ZNF280C: variants seen among roughly 807,000 people sequenced by gnomAD.
The protein encoded by ZNF280C is zinc finger protein 280C.
A neutral mutation model predicts 53.6 loss-of-function variants in ZNF280C; 14 were observed. The observed-to-expected ratio is 0.26, with a 90% CI of 0.17 to 0.41. The LOEUF (loss-of-function observed/expected upper bound fraction) is 0.41, where lower values mean the gene tolerates loss of function less well. ZNF280C is among the 10% of genes least tolerant of loss of function. The probability of loss-of-function intolerance (pLI) is 1.00; values close to 1 mark genes in which losing one functional copy is unlikely to be tolerated. For synonymous variants in ZNF280C, 203 were observed against 181.1 expected, an observed-to-expected ratio of 1.12 and a Z score of -0.97; for missense variants, 416 against 547.1, an observed-to-expected ratio of 0.76 and a Z score of 2.39.
In ZNF280C at chrX:130,243,630, G is replaced by A. The variant is rs780382501; in HGVS notation, c.314C>T (p.Ser105Leu). ...TTTAGATACAAGATGAAATCTAGGC[G>A]AGGCAGCCACTGGATTTGATGGTGG... Reference protein sequence around the residue: ...RDPPSNPVAASPRFHLVSKSS... With the variant: ...RDPPSNPVAALPRFHLVSKSS... Residue 105 changes from serine to leucine, a missense_variant, in exon 5 of 19, where the codon TCG becomes TTG. Physicochemically the swap from Ser to Leu is moderately radical, Grantham distance 145. Transcript: ENST00000370978. The A allele has an allele frequency of 1.5e-5, 18 of 1,209,017 alleles. No individual in the cohort carries two copies. Among genetic ancestry groups the A allele is most frequent in the Middle Eastern group, 2.3e-4 (1 of 4,372 alleles).
chrX:130,246,768 GAAC>G lies in ZNF280C; in HGVS notation c.178+88_178+90del, dbSNP rs1353929310. The G allele has an allele frequency of 1.3e-5, 14 of 1,048,708 alleles. No homozygotes were observed. In the African/African-American group the frequency reaches 2.4e-4, roughly 18 times the overall value. The allele number at this position is 1,048,708 out of a possible 1,213,427, so 86.4% of individuals were successfully genotyped here. ...CTCTTACCTCTAACTCCTTACAGAAGAACAACAGTATGAAGGACAGATATCTCA... is the reference window on the plus strand; with the variant it reads ...CTCTTACCTCTAACTCCTTACAGAAGAACAGTATGAAGGACAGATATCTCA... On this transcript the variant is annotated intron_variant, in intron 3 of 18. Coordinates refer to ENST00000370978, the MANE Select transcript of ZNF280C (RefSeq NM_017666.5).
intron 1 of ZNF280C, among the ~76,000 whole-genome samples, chrX:130,267,858 T>TA (rs1345923517): frequency 9.0e-6 from 1 of 111,429 alleles, no homozygotes; most frequent in Non-Finnish European, 1.9e-5. Context: ...AAAACAATAG[T>TA]AAAAAAAATT....
intron 15 of ZNF280C, among the ~76,000 whole-genome samples, chrX:130,212,556 C>T (rs1181233982): frequency 4.6e-5 from 4 of 86,684 alleles, no homozygotes; most frequent in African/African-American, 1.8e-4. Flanking sequence ...TGAGTACATC[C>T]AGTAGTTAGG....
chrX:130,210,122 T>C (rs1487716043), intron 15 of ZNF280C, among the ~76,000 whole-genome samples: 1 of 112,233 alleles, frequency 8.9e-6, no homozygotes, highest in Middle Eastern at 4.2e-3. Flanking sequence ...TCGTGGACTT[T>C]CCAGCCTCCA....
Position 130,229,000 on chromosome X carries a change from G to A in ZNF280C, c.1124C>T (p.Thr375Ile). 4.1e-6 allele frequency: 5 copies of A among 1,205,257 alleles called. No homozygotes were observed. Among genetic ancestry groups the A allele is most frequent in the Non-Finnish European group, 5.6e-6 (5 of 891,930 alleles). ...ACTAGAAAACTCATGGGGAGTGTGT[G>A]TACTCTCAATGTGGCACTGCAGTTG... ...PFQLQCHIESTHTPHEFSTIC... is the reference protein window; with the variant it reads ...PFQLQCHIESIHTPHEFSTIC... The change falls in exon 10 of 19, where the codon ACA becomes ATA. Residue 375 changes from threonine (T) to isoleucine (I), a missense_variant. Around this residue, in one of 3 missense-constraint regions of ZNF280C, gnomAD observed 72 missense variants for 168.8 expected, o/e 0.43. Coordinates refer to ENST00000370978, the MANE Select transcript of ZNF280C (RefSeq NM_017666.5).
rs191377694 is a variant in ZNF280C, at chrX:130,205,530, G to A, written c.2043-115C>T. On this transcript the variant is annotated intron_variant, in intron 16 of 18. Coordinates refer to ENST00000370978, the MANE Select transcript of ZNF280C (RefSeq NM_017666.5). ...GATTTGCATTTTAGTCTCCACAACC[G>A]TCATTTTCCAATTTTGTTATATAAA... 1.6e-3 allele frequency: 735 copies of A among 466,080 alleles called. 1 individual carries two copies. The highest frequency in any genetic ancestry group is 8.0e-3 in the Middle Eastern group (12 of 1,495). The allele number at this position is 466,080 out of a possible 1,213,427, so 38.4% of individuals were successfully genotyped here.
At chrX:130,219,357 C>T (rs2032136959) in intron 13 of ZNF280C, among the ~76,000 whole-genome samples, 1 of 109,271 alleles carries the variant, frequency 9.2e-6, no homozygotes, top group South Asian at 4.0e-4. Context: ...CATCATGCTG[C>T]ATGCTTGTAA....
At chrX:130,255,486 GAA>G (rs767206704) in intron 2 of ZNF280C, among the ~76,000 whole-genome samples, 4 of 70,104 alleles carry the variant, frequency 5.7e-5, no homozygotes, top group Admixed American at 3.2e-4. Flanking sequence ...AAAAGCTCCA[GAA>G]AAAAAAAAAA....
chrX:130,205,319 A>G lies in ZNF280C; in HGVS notation c.2139T>C (p.Thr713=). ...AKHLSQRKTH[T]CQVIIENVSK... ...TACCATTCTCTATTATAACTTGGCA[A>G]GTATGAGTTTTACGTTGACTTAAGT... Residue 713 remains threonine (T), a synonymous_variant, in exon 17 of 19, where the codon ACT becomes ACC. Coordinates refer to ENST00000370978, the MANE Select transcript of ZNF280C (RefSeq NM_017666.5). 8.3e-7 allele frequency: 1 copy of G among 1,202,830 alleles called. No individual in the cohort carries two copies.
rs1162911710 is a variant in ZNF280C, at chrX:130,230,705, G to C, written c.794C>G (p.Thr265Ser). The change falls in exon 9 of 19, where the codon ACT (threonine) becomes AGT (serine). Residue 265 changes from threonine (T) to serine (S), a missense_variant. Coordinates refer to ENST00000370978, the MANE Select transcript of ZNF280C (RefSeq NM_017666.5). ...HMKHCCPDMI[T>S]KFLGVIVKSE... is the part of the protein sequence containing the mutation. ...TTTAACAATTACTCCCAAAAATTTAGTTATCATGTCTGGACAACAATGCTG... is the reference window on the plus strand; with the variant it reads ...TTTAACAATTACTCCCAAAAATTTACTTATCATGTCTGGACAACAATGCTG... The C allele has an allele frequency of 4.2e-6, 5 of 1,201,648 alleles. No homozygotes were observed. Among genetic ancestry groups the C allele is most frequent in the Non-Finnish European group, 5.6e-6 (5 of 890,009 alleles).
chrX:130,205,227 A>C, intron 17 of ZNF280C, 70 bp downstream of exon 17: 4 of 1,100,281 alleles, frequency 3.6e-6, no homozygotes, highest in Non-Finnish European at 5.0e-6. Context: ...ACATGGGTCC[A>C]TATGGTGTCC....
Position 130,204,915 on chromosome X carries a change from T to C in ZNF280C, c.*62A>G. On this transcript the variant is annotated 3_prime_UTR_variant, in exon 19 of 19. Coordinates refer to ENST00000370978, the MANE Select transcript of ZNF280C (RefSeq NM_017666.5). ...TTGTGTGAGAAAATACTTCAGAACT[T>C]TGAACTTAGGAACTTCCAACTTGTC... The C allele has an allele frequency of 3.9e-6, 4 of 1,033,364 alleles. No individual in the cohort carries two copies. Among genetic ancestry groups the C allele is most frequent in the Non-Finnish European group, 3.8e-6 (3 of 793,164 alleles). The allele number at this position is 1,033,364 out of a possible 1,213,427, so 85.2% of individuals were successfully genotyped here.
At chrX:130,209,586 C>G in intron 16 of ZNF280C, 67 bp downstream of exon 16, 1 of 1,001,236 alleles carries the variant, frequency 1.0e-6, no homozygotes, top group Non-Finnish European at 1.4e-6. Context: ...GCAGGCACTC[C>G]AACATCAAGT....
rs1036968714 is a variant in ZNF280C at position 130,226,696 on chromosome X, T to C, written c.1395+63A>G. 1.7e-5 allele frequency: 19 copies of C among 1,092,076 alleles called. No individual in the cohort carries two copies. The Admixed American group carries it at 3.7e-4, about 22-fold the overall frequency. 90.0% of individuals were successfully genotyped at this position (1,092,076 alleles called of 1,213,427 possible). On this transcript the variant is annotated intron_variant, in intron 12 of 18. Transcript: ENST00000370978. ...AGATATAGATGTAGCTATAGATCTATACATATAGATCTATATCTTTTCACT... is the reference window on the plus strand; with the variant it reads ...AGATATAGATGTAGCTATAGATCTACACATATAGATCTATATCTTTTCACT...
chrX:130,256,884 T>C (rs763872468), intron 2 of ZNF280C, among the ~76,000 whole-genome samples: 1 of 90,616 alleles, frequency 1.1e-5, no homozygotes, highest in Non-Finnish European at 2.2e-5. Flanking sequence ...GTTAACAGCG[T>C]GAGACTGTCT....
chrX:130,252,700 CAG>C (rs1217803829), intron 2 of ZNF280C, among the ~76,000 whole-genome samples: 1 of 97,065 alleles, frequency 1.0e-5, no homozygotes, highest in African/African-American at 4.1e-5. Context: ...AGCCTGGTGA[CAG>C]AGTGAGACTC....
intron 3 of ZNF280C, among the ~76,000 whole-genome samples, chrX:130,245,702 T>C (rs927496181): frequency 9.0e-6 from 1 of 111,647 alleles, no homozygotes; most frequent in Non-Finnish European, 1.9e-5. Flanking sequence ...AATAAGTAAA[T>C]AAAATGAAAA....
chrX:130,266,910 G>A (rs1340936134), intron 1 of ZNF280C, among the ~76,000 whole-genome samples: 1 of 111,200 alleles, frequency 9.0e-6, no homozygotes, highest in Non-Finnish European at 1.9e-5. Flanking sequence ...AGACCAGCCT[G>A]GCCAACATAG....
intron 2 of ZNF280C, among the ~76,000 whole-genome samples, chrX:130,251,281 T>TC (rs2032504754): frequency 6.5e-5 from 1 of 15,502 alleles, no homozygotes; most frequent in Non-Finnish European, 8.8e-5. Flanking sequence ...AGGACCTGTC[T>TC]CAAAAAAAAA....
Sources: allele counts gnomAD v4.1 joint callset (sites outside exome capture counted in the v4.1 genomes callset), GRCh38; gene constraint gnomAD v4.1.1; regional missense constraint gnomAD v4.1.1; transcripts MANE v1.5; gene names NCBI Gene and HGNC (gene_info 2026-07-23, HGNC 2026-07-21).